NXPH1: variants seen among roughly 807,000 people sequenced by gnomAD.
NXPH1 encodes neurexophilin-1.
NXPH1 carries 5 observed loss-of-function variants against 23.7 expected under a neutral mutation model. That is an observed-to-expected ratio of 0.21 (90% CI 0.11 to 0.44). The LOEUF is 0.44. Ranked by LOEUF, NXPH1 falls within the 20% of genes least tolerant of loss-of-function variation. The pLI, the probability that NXPH1 is intolerant of heterozygous loss-of-function variation, is 0.99. For synonymous variants in NXPH1, 144 were observed against 122.2 expected, an observed-to-expected ratio of 1.18 and a Z score of -1.18; for missense variants, 324 against 321.6, an observed-to-expected ratio of 1.01 and a Z score of -0.06.
intron 2 of NXPH1, among the ~76,000 whole-genome samples, chr7:8,733,000 T>C (rs774549542): frequency 1.3e-5 from 2 of 152,140 alleles, no homozygotes; most frequent in Non-Finnish European, 2.9e-5. Flanking sequence ...CTACATTAAG[T>C]ATTTCTCCTA....
chr7:8,653,166 A>T (rs1820518276), intron 2 of NXPH1, among the ~76,000 whole-genome samples: 1 of 152,086 alleles, frequency 6.6e-6, no homozygotes, highest in Non-Finnish European at 1.5e-5. Flanking sequence ...GCTCTTGCAA[A>T]ACTAAAAGTG....
chr7:8,735,799 G>A (rs760223023), intron 2 of NXPH1, among the ~76,000 whole-genome samples: 4 of 151,952 alleles, frequency 2.6e-5, no homozygotes, highest in East Asian at 1.9e-4. Flanking sequence ...TGTTAATTAC[G>A]CCTTAATTTC....
intron 2 of NXPH1, among the ~76,000 whole-genome samples, chr7:8,520,304 CT>C (rs907294316): frequency 6.6e-6 from 1 of 152,140 alleles, no homozygotes; most frequent in African/African-American, 2.4e-5. Flanking sequence ...TCAACAACTT[CT>C]TTTTAAGGGG....
At position 8,635,229 on chromosome 7, in the gene NXPH1, G is replaced by A. The variant is rs150911903; in HGVS notation, c.55-115779G>A. On this transcript the variant is annotated intron_variant, in intron 2 of 2. Transcript: ENST00000405863. ...AAGTACTGTGCATAATTCTTCAAAG[G>A]TTATGAGAATGACAGCTATTAGCAG... Among the ~76,000 whole-genome samples the A allele has an allele frequency of 6.5e-3, 991 of 152,256 alleles. 15 individuals are homozygous for A. The highest frequency in any genetic ancestry group is 0.022 in the African/African-American group (930 of 41,556).
At chr7:8,573,378 G>A (rs1015283840) in intron 2 of NXPH1, among the ~76,000 whole-genome samples, 2 of 151,988 alleles carry the variant, frequency 1.3e-5, no homozygotes, top group Non-Finnish European at 2.9e-5. Flanking sequence ...GGTATAAAAC[G>A]ACATGAATGG....
chr7:8,524,070 C>A (rs1045964468), intron 2 of NXPH1, among the ~76,000 whole-genome samples: 13 of 151,828 alleles, frequency 8.6e-5, no homozygotes, highest in African/African-American at 2.9e-4. Context: ...TGGTGAAACC[C>A]CTTCTCTACT....
chr7:8,616,399 C>T (rs181091765), intron 2 of NXPH1, among the ~76,000 whole-genome samples: 1 of 152,170 alleles, frequency 6.6e-6, no homozygotes, highest in African/African-American at 2.4e-5. Context: ...CTGTATTTAT[C>T]ACCATCCCAC....
intron 2 of NXPH1, among the ~76,000 whole-genome samples, chr7:8,685,485 C>A (rs1821133149): frequency 6.6e-6 from 1 of 151,734 alleles, no homozygotes; most frequent in Admixed American, 6.6e-5. Flanking sequence ...ATATGTACCA[C>A]CTTTTCTTTA....
intron 2 of NXPH1, among the ~76,000 whole-genome samples, chr7:8,517,192 C>T (rs997386981): frequency 1.3e-5 from 2 of 151,996 alleles, no homozygotes; most frequent in Admixed American, 6.6e-5. Flanking sequence ...GCAACAGTGG[C>T]GGGTGACTAG....
intron 2 of NXPH1, among the ~76,000 whole-genome samples, chr7:8,646,958 G>T (rs1246850003): frequency 6.6e-6 from 1 of 151,916 alleles, no homozygotes; most frequent in Non-Finnish European, 1.5e-5. Context: ...AGAGAACACA[G>T]GGGAACAGGC....
At chr7:8,681,060 A>C (rs775074277) in intron 2 of NXPH1, among the ~76,000 whole-genome samples, 1 of 152,192 alleles carries the variant, frequency 6.6e-6, no homozygotes, top group East Asian at 1.9e-4. Flanking sequence ...AGCCAGCGCT[A>C]ATGTCCGGTA....
chr7:8,552,114 CAAAAAAA>C (rs34390317), intron 2 of NXPH1, among the ~76,000 whole-genome samples: 18 of 61,746 alleles, frequency 2.9e-4, no homozygotes, highest in African/African-American at 8.4e-4. Flanking sequence ...GAAAAAAAAC[CAAAAAAA>C]AAAAAAAAAA....
chr7:8,591,851 T>C (rs1819101345), intron 2 of NXPH1, among the ~76,000 whole-genome samples: 1 of 151,440 alleles, frequency 6.6e-6, no homozygotes, highest in South Asian at 2.1e-4. Flanking sequence ...GGTTTCTTTT[T>C]TTTTTTTTTT....
intron 2 of NXPH1, among the ~76,000 whole-genome samples, chr7:8,528,674 T>C (rs1193814766): frequency 6.6e-6 from 1 of 152,204 alleles, no homozygotes; most frequent in East Asian, 1.9e-4. Context: ...GTTTACTTTG[T>C]TGAAGAGTAG....
chr7:8,654,740 G>C (rs1820546195), intron 2 of NXPH1, among the ~76,000 whole-genome samples: 1 of 152,182 alleles, frequency 6.6e-6, no homozygotes, highest in Admixed American at 6.5e-5. Context: ...CTCTAGGTGG[G>C]ACACCCCTGC....
intron 2 of NXPH1, among the ~76,000 whole-genome samples, chr7:8,494,458 A>G (rs1463195836): frequency 1.3e-5 from 2 of 151,994 alleles, no homozygotes; most frequent in Non-Finnish European, 2.9e-5. Flanking sequence ...AGTAAGGCTC[A>G]GTTTCTCATT....
chr7:8,642,170 TTTTACGGGTAC>T (rs1820324207), intron 2 of NXPH1, among the ~76,000 whole-genome samples: 2 of 152,194 alleles, frequency 1.3e-5, no homozygotes, highest in South Asian at 4.1e-4. Context: ...TGAAGATCCT[TTTTACGGGTAC>T]TTTGCAGGAC....
At chr7:8,738,941 T>C (rs757911688) in intron 2 of NXPH1, among the ~76,000 whole-genome samples, 14 of 152,012 alleles carry the variant, frequency 9.2e-5, no homozygotes, top group Non-Finnish European at 1.6e-4. Flanking sequence ...GAAAATCGCC[T>C]ACTCAAGCCT....
chr7:8,702,946 C>T (rs1779648864), intron 2 of NXPH1, among the ~76,000 whole-genome samples: 2 of 152,164 alleles, frequency 1.3e-5, no homozygotes, highest in South Asian at 4.1e-4. Flanking sequence ...ATCTGTGGTA[C>T]AGGGATAGGA....
Sources: gnomAD v4.1 joint callset for allele counts (sites outside exome capture counted in the v4.1 genomes callset) on GRCh38, gnomAD v4.1.1 for gene constraint, MANE v1.5 for transcripts, NCBI Gene and HGNC (gene_info 2026-07-23, HGNC 2026-07-21) for gene names.